Variants in SLC6A2 observed in about 807,000 individuals in gnomAD.
SLC6A2 encodes the protein solute carrier family 6 member 2.
In SLC6A2, 26 loss-of-function variants were observed where a neutral mutation model predicts 71.7. That is an observed-to-expected ratio of 0.36 (90% CI 0.27 to 0.50). The LOEUF (loss-of-function observed/expected upper bound fraction) is 0.50, where lower values mean the gene tolerates loss of function less well. Among genes scored for constraint, SLC6A2 ranks in the 20% least tolerant of loss-of-function variants. The pLI, the probability that SLC6A2 is intolerant of heterozygous loss-of-function variation, is 0.96. For missense variants in SLC6A2, 581 were observed against 803.9 expected, an observed-to-expected ratio of 0.72 and a Z score of 3.35; for synonymous variants, 363 against 337.9, an observed-to-expected ratio of 1.07 and a Z score of -0.82.
chr16:55,682,988 G>C (rs1411274110), intron 4 of SLC6A2, among the ~76,000 whole-genome samples: 1 of 152,190 alleles, frequency 6.6e-6, no homozygotes, highest in African/African-American at 2.4e-5. Flanking sequence ...GTGTGTCCGA[G>C]GCCCAGATGG....
At chr16:55,688,921 T>C (rs1390645620) in intron 5 of SLC6A2, among the ~76,000 whole-genome samples, 1 of 152,200 alleles carries the variant, frequency 6.6e-6, no homozygotes, top group Non-Finnish European at 1.5e-5. Context: ...TTGAATTTGG[T>C]ACCCTGGAAC....
In SLC6A2 at chr16:55,668,182, G is replaced by A. The variant is rs1360914133; in HGVS notation, c.275-1383G>A. 7.2e-5 allele frequency among the ~76,000 whole-genome samples: 11 copies of A among 152,212 alleles called. No homozygotes were observed. In the East Asian group the frequency reaches 1.9e-3, roughly 27 times the overall value. ...ACTTCATGCTTCCTACTTAGGAGAG[G>A]CACCCTGAGAAACAAGTGGAGACTG... On this transcript the variant is annotated intron_variant, in intron 2 of 14. Transcript: ENST00000568943.
chr16:55,705,398 T>C lies in SLC6A2; in HGVS notation c.*3052T>C. 1.5e-6 allele frequency: 1 copy of C among 649,686 alleles called. No homozygotes were observed. Among genetic ancestry groups the C allele is most frequent in the Non-Finnish European group, 2.6e-6 (1 of 384,592 alleles). The allele number at this position is 649,686 out of a possible 1,614,324, so 40.2% of individuals were successfully genotyped here. A position where few individuals can be genotyped will look rare whatever the true frequency, so the allele number is the denominator to read the frequency against. On this transcript the variant is annotated 3_prime_UTR_variant, in exon 15 of 15. Coordinates refer to ENST00000568943, the MANE Select transcript of SLC6A2 (RefSeq NM_001172501.3). ...GACTGAAGCATTCTTACCAAAGAAA[T>C]CATTTCCTAGTAAAGAAGCCCATTG... is the stretch of plus-strand genomic sequence containing the variant.
intron 4 of SLC6A2, among the ~76,000 whole-genome samples, chr16:55,674,023 T>C (rs1415842978): frequency 2.6e-5 from 4 of 152,228 alleles, no homozygotes; most frequent in African/African-American, 9.6e-5. Context: ...GTTGTTATTA[T>C]TATTATTTAT....
intron 4 of SLC6A2, among the ~76,000 whole-genome samples, chr16:55,676,331 A>G (rs1965086325): frequency 6.6e-6 from 1 of 152,020 alleles, no homozygotes; most frequent in Non-Finnish European, 1.5e-5. Context: ...ACTTCCTCCT[A>G]TGTATTATTT....
chr16:55,672,256 G>C (rs1044668568), intron 4 of SLC6A2, 81 bp downstream of exon 4: 3 of 1,611,678 alleles, frequency 1.9e-6, no homozygotes, highest in Non-Finnish European at 2.5e-6. Flanking sequence ...GAAAGTCACA[G>C]ACCAAGGAGA....
Position 55,702,559 on chromosome 16 carries a change from G to A in SLC6A2, c.*213G>A, listed in dbSNP as rs550567944. ...TGGGGGCTGTTAGCTCAGAGGAGAGGAGCAAACAGGAAAATGACTTCTGTT... is the reference window on the plus strand; with the variant it reads ...TGGGGGCTGTTAGCTCAGAGGAGAGAAGCAAACAGGAAAATGACTTCTGTT... On this transcript the variant is annotated 3_prime_UTR_variant, in exon 15 of 15. Transcript: ENST00000568943. The A allele has an allele frequency of 8.9e-6, 13 of 1,457,008 alleles. No individual in the cohort carries two copies. In the East Asian group the frequency reaches 3.3e-4, roughly 37 times the overall value. The allele number at this position is 1,457,008 out of a possible 1,614,324, so 90.3% of individuals were successfully genotyped here.
rs370715363 is a variant in SLC6A2 at position 55,665,673 on chromosome 16, C to T, written c.275-3892C>T. On this transcript the variant is annotated intron_variant, in intron 2 of 14. Coordinates refer to ENST00000568943, the MANE Select transcript of SLC6A2 (RefSeq NM_001172501.3). Reference sequence around the variant, plus strand: ...TTGGCCACTGCACCCCTCACTGAACCCTTCCTCCAGGCTTTCCAGCCCTCT... The same window carrying T: ...TTGGCCACTGCACCCCTCACTGAACTCTTCCTCCAGGCTTTCCAGCCCTCT... 1.8e-4 allele frequency among the ~76,000 whole-genome samples: 28 copies of T among 152,142 alleles called. No homozygotes were observed. The East Asian group carries it at 4.9e-3, about 26-fold the overall frequency.
intron 3 of SLC6A2, among the ~76,000 whole-genome samples, chr16:55,671,273 T>A (rs1405783195): frequency 1.3e-5 from 2 of 152,140 alleles, no homozygotes; most frequent in Non-Finnish European, 2.9e-5. Context: ...TGTGAACACC[T>A]GTCAGTGTTA....
chr16:55,673,231 A>T (rs1345210094), intron 4 of SLC6A2, among the ~76,000 whole-genome samples: 2 of 152,180 alleles, frequency 1.3e-5, no homozygotes, highest in African/African-American at 4.8e-5. Flanking sequence ...TTTTGGCGTG[A>T]TTACCCTAGG....
intron 3 of SLC6A2, 86 bp from the exon 4 acceptor site, chr16:55,671,852 A>G (rs1255533169): frequency 2.6e-5 from 41 of 1,596,290 alleles, no homozygotes; most frequent in East Asian, 4.5e-5. Flanking sequence ...AGGGAATGGG[A>G]GTGCAGTGGT....
intron 2 of SLC6A2, among the ~76,000 whole-genome samples, chr16:55,668,826 C>T (rs1196570432): frequency 2.0e-5 from 3 of 152,148 alleles, no homozygotes; most frequent in Non-Finnish European, 2.9e-5. Context: ...AACCTCTGCC[C>T]CTTTGCTTCA....
chr16:55,658,648 G>A (rs576016453), intron 2 of SLC6A2, among the ~76,000 whole-genome samples: 115 of 152,274 alleles, frequency 7.6e-4, no homozygotes, highest in Middle Eastern at 6.8e-3. Context: ...GGAGGTTTGC[G>A]TCCATGGTCT....
intron 5 of SLC6A2, among the ~76,000 whole-genome samples, chr16:55,691,230 GGAGAGAGAGAGAGAGAGAGAGAGAGAGA>G (rs56308124): frequency 2.8e-4 from 13 of 46,444 alleles, no homozygotes; most frequent in Non-Finnish European, 4.2e-4. Flanking sequence ...GGGGAGAGGG[GGAGAGAGAGAGAGAGAGAGAGAGAGAGA>G]GAGAGAGAGA....
intron 2 of SLC6A2, among the ~76,000 whole-genome samples, chr16:55,667,913 A>G (rs1240323527): frequency 6.6e-6 from 1 of 152,206 alleles, no homozygotes; most frequent in Admixed American, 6.5e-5. Flanking sequence ...TATCAGCAGG[A>G]TAAGGTCGGT....
rs555686438 is a variant in SLC6A2, at chr16:55,668,705, C to T, written c.275-860C>T. 3.9e-5 allele frequency among the ~76,000 whole-genome samples: 6 copies of T among 152,310 alleles called. No individual in the cohort carries two copies. In the East Asian group the frequency reaches 9.6e-4, roughly 24 times the overall value. On this transcript the variant is annotated intron_variant, in intron 2 of 14. Coordinates refer to ENST00000568943, the MANE Select transcript of SLC6A2 (RefSeq NM_001172501.3). ...GAGAATTGTCTCTGCAACTCAGACA[C>T]GTCTAAGTCCACCAGGAATTCTCCC...
chr16:55,702,273 T>C, intron 14 of SLC6A2, 50 bp from the exon 15 acceptor site: 2 of 1,597,682 alleles, frequency 1.3e-6, no homozygotes, highest in Non-Finnish European at 1.7e-6. Context: ...TGGCCCTTGC[T>C]CCTTTCTGTC....
intron 2 of SLC6A2, among the ~76,000 whole-genome samples, chr16:55,661,658 C>A (rs1165440946): frequency 1.3e-5 from 2 of 152,124 alleles, no homozygotes; most frequent in Non-Finnish European, 2.9e-5. Flanking sequence ...GGGTCTGGAG[C>A]CCAAGCATGA....
chr16:55,706,131 AGTT>A lies in SLC6A2; in HGVS notation c.*3789_*3791del, dbSNP rs1966094170. 6.6e-6 allele frequency: 1 copy of A among 152,252 alleles called. No individual in the cohort carries two copies. Among genetic ancestry groups the A allele is most frequent in the Non-Finnish European group, 1.5e-5 (1 of 68,056 alleles). 9.4% of individuals were successfully genotyped at this position (152,252 alleles called of 1,614,324 possible). A position where few individuals can be genotyped will look rare whatever the true frequency, so the allele number is the denominator to read the frequency against. The stretch of plus-strand genomic sequence containing the variant: ...TTCTGTGTCTGATATGGATTTTAAA[AGTT>A]GTTCTCTTTGTGGAATATAAGTGTA... On this transcript the variant is annotated 3_prime_UTR_variant, in exon 15 of 15. Coordinates refer to ENST00000568943, the MANE Select transcript of SLC6A2 (RefSeq NM_001172501.3).
Sources: allele counts gnomAD v4.1 joint callset (sites outside exome capture counted in the v4.1 genomes callset), GRCh38; gene constraint gnomAD v4.1.1; transcripts MANE v1.5; gene names NCBI Gene and HGNC (gene_info 2026-07-23, HGNC 2026-07-21).